Variants in CD74 observed in about 807,000 individuals in gnomAD.
The protein encoded by CD74 is CD74 molecule, also known as HLA class II histocompatibility antigen gamma chain.
A neutral mutation model predicts 37.1 loss-of-function variants in CD74; 20 were observed. The ratio of observed to expected loss-of-function variants is 0.54; its 90% confidence interval spans 0.38 to 0.78. The LOEUF is 0.78. Among genes scored for constraint, CD74 ranks in the 30% least tolerant of loss-of-function variants. The probability of loss-of-function intolerance (pLI) is 0.00; values close to 1 mark genes in which losing one functional copy is unlikely to be tolerated. For synonymous variants in CD74, 150 were observed against 152.0 expected (o/e 0.99, Z 0.10); for missense variants, 338 against 389.5 (o/e 0.87, Z 1.11).
chr5:150,412,165 A>G (rs1770379201), intron 1 of CD74, among the ~76,000 whole-genome samples: 1 of 152,132 alleles, frequency 6.6e-6, no homozygotes, highest in South Asian at 2.1e-4. Context: ...GGGTTTCAAC[A>G]TGTTGGCCAG....
At chr5:150,410,467 G>C (rs547238832) in intron 1 of CD74, among the ~76,000 whole-genome samples, 1 of 152,136 alleles carries the variant, frequency 6.6e-6, no homozygotes, top group Non-Finnish European at 1.5e-5. Flanking sequence ...AGATGATGAG[G>C]GTAAAGCTCT....
intron 3 of CD74, 72 bp from the exon 4 acceptor site, chr5:150,406,393 G>T: frequency 1.6e-6 from 2 of 1,230,836 alleles, no homozygotes; most frequent in Non-Finnish European, 1.2e-6. Context: ...GGAGCCGGTT[G>T]CTGGGATCTA....
chr5:150,404,634 C>G, intron 6 of CD74, 46 bp downstream of exon 6: 2 of 1,274,136 alleles, frequency 1.6e-6, no homozygotes, highest in Non-Finnish European at 2.2e-6. Context: ...AGGAGAGCCC[C>G]GAGGGTCCAG....
rs1410057899 is a variant in CD74 at position 150,402,550 on chromosome 5, G to A, written c.880+13C>T. ...GCTGCTGGTGACCAGATGCCCCTCTGCAAGGCCCTTACCTGGGCCCAGATC... is the reference window on the plus strand; with the variant it reads ...GCTGCTGGTGACCAGATGCCCCTCTACAAGGCCCTTACCTGGGCCCAGATC... On this transcript the variant is annotated intron_variant, in intron 8 of 8. Coordinates refer to ENST00000009530, the MANE Select transcript of CD74 (RefSeq NM_001025159.3). The surrounding 1 kb of genome is among the most constrained non-coding windows in gnomAD (Gnocchi z 4.2). 2 of 1,612,110 alleles carry A rather than the reference G, an allele frequency of 1.2e-6. No homozygotes were observed. Among genetic ancestry groups the A allele is most frequent in the Non-Finnish European group, 1.7e-6 (2 of 1,178,280 alleles).
At position 150,404,699 on chromosome 5, in the gene CD74, G is replaced by A. The variant is rs2151177010; in HGVS notation, c.606C>T (p.Pro202=). 5 of 1,582,028 alleles carry A rather than the reference G, an allele frequency of 3.2e-6. No individual in the cohort carries two copies. The highest frequency in any genetic ancestry group is 4.3e-6 in the Non-Finnish European group (5 of 1,163,240). ...EMSRHSLEQK[P]TDAPPKVLTK... ...CTGTACCTTTCGGTGGAGCGTCAGT[G>A]GGCTTTTGCTCCAAGGAGTGCCTGC... is the stretch of plus-strand genomic sequence containing the variant. Residue 202 remains proline, a synonymous_variant, in exon 6 of 9, where the codon CCC becomes CCT. Coordinates refer to ENST00000009530, the MANE Select transcript of CD74 (RefSeq NM_001025159.3).
chr5:150,410,540 G>A (rs941542114), intron 1 of CD74, among the ~76,000 whole-genome samples: 3 of 152,158 alleles, frequency 2.0e-5, no homozygotes, highest in African/African-American at 7.2e-5. Context: ...GCAATTCTCA[G>A]GGGAGTTCGT....
In CD74 at chr5:150,401,787, AAG is replaced by A. The variant is rs1581246523; in HGVS notation, c.*451_*452del. ...TTGGGGAGTGATGCTGGGGAAAGGGAAGAGAGTGGCTCAGCCTGCAGGTAAAT... is the reference window on the plus strand; with the variant it reads ...TTGGGGAGTGATGCTGGGGAAAGGGAAGAGTGGCTCAGCCTGCAGGTAAAT... On this transcript the variant is annotated 3_prime_UTR_variant, in exon 9 of 9. Coordinates refer to ENST00000009530, the MANE Select transcript of CD74 (RefSeq NM_001025159.3). 13 of 610,342 alleles carry A rather than the reference AAG, an allele frequency of 2.1e-5. No homozygotes were observed. In the South Asian group the frequency reaches 2.3e-4, roughly 11 times the overall value. The allele number at this position is 610,342 out of a possible 1,614,324, so 37.8% of individuals were successfully genotyped here.
rs1025323292 is a variant in CD74, at chr5:150,402,947, T to C, written c.817+174A>G. ...AGAGGAGAGATGATAAATGGACAAA[T>C]AGGAATGCACAGGTGGGTGGATGGA... On this transcript the variant is annotated intron_variant, in intron 7 of 8. Coordinates refer to ENST00000009530, the MANE Select transcript of CD74 (RefSeq NM_001025159.3). The surrounding 1 kb of genome is among the most constrained non-coding windows in gnomAD (Gnocchi z 4.2). Among the ~76,000 whole-genome samples the C allele has an allele frequency of 5.9e-5, 9 of 152,050 alleles. No homozygotes were observed. Among genetic ancestry groups the C allele is most frequent in the Non-Finnish European group, 1.2e-4 (8 of 68,014 alleles).
rs2151168164 is a variant in CD74 at position 150,402,776 on chromosome 5, T to G, written c.818-151A>C. 1.5e-6 allele frequency: 1 copy of G among 678,138 alleles called. No homozygotes were observed. Among genetic ancestry groups the G allele is most frequent in the Non-Finnish European group, 2.6e-6 (1 of 389,012 alleles). 42.0% of individuals were successfully genotyped at this position (678,138 alleles called of 1,614,324 possible). On this transcript the variant is annotated intron_variant, in intron 7 of 8. Transcript: ENST00000009530. This position sits in a 1 kb window ranked among gnomAD's most constrained non-coding sequence, Gnocchi z 4.2. ...ACAGCTGCAAGCAGCAACAAAGAGG[T>G]GTAATGGGGGCTCGAGTGAGAAGGG...
chr5:150,403,159 A>ACCT lies in CD74; in HGVS notation c.776_778dup (p.Glu259dup). The ACCT allele has an allele frequency of 6.2e-7, 1 of 1,613,622 alleles. No individual in the cohort carries two copies. The highest frequency in any genetic ancestry group is 8.5e-7 in the Non-Finnish European group (1 of 1,179,822). ...GTGCCCGCGGCTTCTGGTGTTGGGG[A>ACCT]CCTCCGTGCCGTTGGGGAAGACACA... is the stretch of plus-strand genomic sequence containing the variant. On this transcript the variant is annotated inframe_insertion, in exon 7 of 9. Transcript: ENST00000009530. The surrounding 1 kb of genome is among the most constrained non-coding windows in gnomAD (Gnocchi z 4.5).
chr5:150,406,305 G>T lies in CD74; in HGVS notation c.395C>A (p.Thr132Asn). The part of the protein sequence containing the change: ...ALPQGPMQNA[T>N]KYGNMTEDHV... The stretch of plus-strand genomic sequence containing the variant: ...GTCCTCTGTCATGTTGCCATACTTG[G>T]TGGCATTCTGCATGGGCTGTGGGAG... Residue 132 changes from threonine to asparagine, a missense_variant, in exon 4 of 9, where the codon ACC (threonine) becomes AAC (asparagine). By Grantham distance (65) the Thr-to-Asn change is moderately conservative. Coordinates refer to ENST00000009530, the MANE Select transcript of CD74 (RefSeq NM_001025159.3). 6.2e-7 allele frequency: 1 copy of T among 1,613,742 alleles called. No homozygotes were observed. Among genetic ancestry groups the T allele is most frequent in the Non-Finnish European group, 8.5e-7 (1 of 1,179,726 alleles).
chr5:150,406,606 A>G (rs1769976247), intron 3 of CD74: 1 of 590,372 alleles, frequency 1.7e-6, no homozygotes, highest in South Asian at 2.0e-5. Context: ...AAGGTCTTTG[A>G]GAATGGGAGA....
At chr5:150,408,408 T>C (rs1770123522) in intron 1 of CD74, among the ~76,000 whole-genome samples, 1 of 152,224 alleles carries the variant, frequency 6.6e-6, no homozygotes, top group African/African-American at 2.4e-5. Context: ...TGTGCCTCTG[T>C]TCCCTCATTT....
Position 150,402,635 on chromosome 5 carries a change from A to T in CD74, c.818-10T>A, listed in dbSNP as rs2151167534. 1.2e-6 allele frequency: 2 copies of T among 1,602,352 alleles called. No homozygotes were observed. Among genetic ancestry groups the T allele is most frequent in the East Asian group, 2.2e-5 (1 of 44,722 alleles). On this transcript the variant is annotated splice_polypyrimidine_tract_variant and intron_variant, in intron 7 of 8. Coordinates refer to ENST00000009530, the MANE Select transcript of CD74 (RefSeq NM_001025159.3). The surrounding 1 kb of genome is among the most constrained non-coding windows in gnomAD (Gnocchi z 4.2). Reference sequence around the variant, plus strand: ...TCCAGTTCCAGTGACTCTGCAAAGGAGCAGCAAGTCCGTTTGTCACTTGAA... The same window carrying T: ...TCCAGTTCCAGTGACTCTGCAAAGGTGCAGCAAGTCCGTTTGTCACTTGAA...
In CD74 at chr5:150,401,871, C is replaced by T; in HGVS notation, c.*369G>A. Reference sequence around the variant, plus strand: ...GGGAGAGGACAGTCAGCATGTCCAGCCTGGGGTCTGGGTGTAGGGTTATCC... The same window carrying T: ...GGGAGAGGACAGTCAGCATGTCCAGTCTGGGGTCTGGGTGTAGGGTTATCC... On this transcript the variant is annotated 3_prime_UTR_variant, in exon 9 of 9. Transcript: ENST00000009530. 2 of 708,372 alleles carry T rather than the reference C, an allele frequency of 2.8e-6. No homozygotes were observed. The highest frequency in any genetic ancestry group is 1.5e-5 in the South Asian group (1 of 66,664). 43.9% of individuals were successfully genotyped at this position (708,372 alleles called of 1,614,324 possible). A position where few individuals can be genotyped will look rare whatever the true frequency, so the allele number is the denominator to read the frequency against.
chr5:150,402,404 C>T lies in CD74; in HGVS notation c.881-154G>A, dbSNP rs886713594. 8 of 877,498 alleles carry T rather than the reference C, an allele frequency of 9.1e-6. No homozygotes were observed. Among genetic ancestry groups the T allele is most frequent in the Non-Finnish European group, 1.3e-5 (7 of 522,808 alleles). The allele number at this position is 877,498 out of a possible 1,614,324, so 54.4% of individuals were successfully genotyped here. The stretch of plus-strand genomic sequence containing the variant: ...ATGACCATCATGGATTTGTGTAACT[C>T]CCCACAGCCCCCCAACCCTGTTCCT... On this transcript the variant is annotated intron_variant, in intron 8 of 8. Transcript: ENST00000009530. This position sits in a 1 kb window ranked among gnomAD's most constrained non-coding sequence, Gnocchi z 4.2.
At chr5:150,405,482 C>T (rs1769903675) in intron 4 of CD74, 3 of 1,134,136 alleles carry the variant, frequency 2.6e-6, no homozygotes, top group Non-Finnish European at 3.3e-6. Flanking sequence ...CTTACCTGCT[C>T]CAGCAGGTGA....
Position 150,402,127 on chromosome 5 carries a change from C to A in CD74, c.*113G>T. On this transcript the variant is annotated 3_prime_UTR_variant, in exon 9 of 9. Transcript: ENST00000009530. The surrounding 1 kb of genome is among the most constrained non-coding windows in gnomAD (Gnocchi z 4.2). ...TGACGAAAGAGCCAGGCACCAGGGT[C>A]TCATGGGATGAGGTACAGGGTGGGA... 6.5e-7 allele frequency: 1 copy of A among 1,548,786 alleles called. No homozygotes were observed. The highest frequency in any genetic ancestry group is 8.7e-7 in the Non-Finnish European group (1 of 1,145,926).
chr5:150,409,651 C>T (rs1423721586), intron 1 of CD74, among the ~76,000 whole-genome samples: 1 of 149,110 alleles, frequency 6.7e-6, no homozygotes, highest in African/African-American at 2.5e-5. Context: ...CAAGATCACA[C>T]CACTGCATTC....
Sources: allele counts gnomAD v4.1 joint callset (sites outside exome capture counted in the v4.1 genomes callset), GRCh38; gene constraint gnomAD v4.1.1; non-coding constraint Gnocchi (gnomAD v3.1); transcripts MANE v1.5; gene names NCBI Gene and HGNC (gene_info 2026-07-23, HGNC 2026-07-21).